The following GRIP2 variants were observed in gnomAD, a reference collection of about 807,000 sequenced individuals.
GRIP2 encodes glutamate receptor-interacting protein 2.
Under a neutral mutation model 108.3 loss-of-function variants are expected in GRIP2, and 58 were observed. That is an observed-to-expected ratio of 0.54 (90% CI 0.43 to 0.67). GRIP2 has a LOEUF of 0.67. GRIP2 is among the 30% of genes least tolerant of loss of function. The pLI is 0.00. For missense variants in GRIP2, 1,278 were observed against 1,430.6 expected (o/e 0.89, Z 1.72); for synonymous variants, 586 against 598.2 (o/e 0.98, Z 0.30).
rs552771666 is a variant in GRIP2, at chr3:14,536,072, G to T, written c.40+4197C>A. Among the ~76,000 whole-genome samples, 58 of 152,312 alleles carry T rather than the reference G, an allele frequency of 3.8e-4. No homozygotes were observed. The South Asian group carries it at 0.012, about 31-fold the overall frequency. On this transcript the variant is annotated intron_variant, in intron 1 of 23. Transcript: ENST00000621039. ...GATCAGATAAGCTCGGCAGAAGCAC[G>T]TTTTTCAGGGAGACAAAAAGAAATG...
rs1211267258 is a variant in GRIP2 at position 14,505,401 on chromosome 3, C to T, written c.2573+214G>A. Among the ~76,000 whole-genome samples, 9 of 152,202 alleles carry T rather than the reference C, an allele frequency of 5.9e-5. No individual in the cohort carries two copies. The highest frequency in any genetic ancestry group is 5.9e-4 in the Admixed American group (9 of 15,284). On this transcript the variant is annotated intron_variant, in intron 20 of 23. Transcript: ENST00000621039. The surrounding 1 kb of genome is among the most constrained non-coding windows in gnomAD (Gnocchi z 4.2). ...AACCAGGCTGCTCTCCACCTCTATA[C>T]CTTCGTCCCTGCCGTGCCCTCCACC...
At chr3:14,560,830 G>A (rs144971458), upstream of GRIP2, among the ~76,000 whole-genome samples, 10 of 152,326 alleles carry the variant, frequency 6.6e-5, no homozygotes, top group East Asian at 1.9e-3. Context: ...GACTAATCCA[G>A]TGTCTTCCTC....
At chr3:14,524,677 T>C (rs141074046) in intron 3 of GRIP2, 139 bp from the exon 4 acceptor site, 9 of 971,612 alleles carry the variant, frequency 9.3e-6, no homozygotes, top group Non-Finnish European at 1.4e-5. Context: ...CTTAGAGAGG[T>C]CAGACAGTTG....
Position 14,493,786 on chromosome 3 carries a change from G to A in GRIP2, c.3011C>T (p.Ala1004Val), listed in dbSNP as rs367805938. Reference sequence around the variant, plus strand: ...ACCCGCCTCGGCCAGGAGTGGCACCGCCAGGCAGCAGTCGAAGTCCCGTGT... The same window carrying A: ...ACCCGCCTCGGCCAGGAGTGGCACCACCAGGCAGCAGTCGAAGTCCCGTGT... The part of the protein sequence containing the change: ...VRTRDFDCCL[A>V]VPLLAEAGDV... Residue 1004 changes from alanine (A) to valine (V), a missense_variant, in exon 24 of 24, where the codon GCG becomes GTG. Physicochemically the swap from Ala to Val is moderately conservative, Grantham distance 64. Transcript: ENST00000621039. The A allele has an allele frequency of 3.9e-5, 63 of 1,613,486 alleles. No homozygotes were observed. In the East Asian group the frequency reaches 1.1e-3, roughly 27 times the overall value.
rs1256861876 is a variant in GRIP2 at position 14,506,908 on chromosome 3, A to G, written c.2291T>C (p.Leu764Pro). 1.9e-6 allele frequency: 3 copies of G among 1,606,428 alleles called. No homozygotes were observed. The highest frequency in any genetic ancestry group is 2.5e-6 in the Non-Finnish European group (3 of 1,176,722). The change falls in exon 19 of 24, where the codon CTG (leucine) becomes CCG (proline). Residue 764 changes from leucine (L) to proline (P), a missense_variant. Leu to Pro is a moderately conservative substitution (Grantham distance 98). Coordinates refer to ENST00000621039, the MANE Select transcript of GRIP2 (RefSeq NM_001080423.4). Reference sequence around the variant, plus strand: ...GCGGGCTGCTGGCAGGCCTCCTTTCAGGGCATCTGCTGGGTCCTCATCAGC... The same window carrying G: ...GCGGGCTGCTGGCAGGCCTCCTTTCGGGGCATCTGCTGGGTCCTCATCAGC... ...SDADEDPADALKGGLPAARFS... is the reference protein window; with the variant it reads ...SDADEDPADAPKGGLPAARFS...
At chr3:14,537,626 C>T (rs1311450980) in intron 1 of GRIP2, among the ~76,000 whole-genome samples, 2 of 152,348 alleles carry the variant, frequency 1.3e-5, no homozygotes, top group African/African-American at 4.8e-5. Flanking sequence ...AGAGCCAGGA[C>T]GCAAACTCAG....
At chr3:14,534,700 C>T (rs764075810) in intron 1 of GRIP2, among the ~76,000 whole-genome samples, 14 of 152,248 alleles carry the variant, frequency 9.2e-5, no homozygotes, top group South Asian at 2.1e-4. Flanking sequence ...GAGGGAGAAA[C>T]GTGCTTGGAG....
At position 14,540,215 on chromosome 3, in the gene GRIP2, A is replaced by C; in HGVS notation, c.40+54T>G. On this transcript the variant is annotated intron_variant, in intron 1 of 23. Transcript: ENST00000621039. The surrounding 1 kb of genome is among the most constrained non-coding windows in gnomAD (Gnocchi z 4.1). The stretch of plus-strand genomic sequence containing the variant: ...CCCTCTCTCTGGGCAGCAGCTCCAG[A>C]GGGATCTATGTGTTCAGCCCCATCA... 1.9e-6 allele frequency: 3 copies of C among 1,591,002 alleles called. No individual in the cohort carries two copies. The highest frequency in any genetic ancestry group is 2.6e-6 in the Non-Finnish European group (3 of 1,163,530).
At chr3:14,549,060 C>A (rs1007870501) in intron 1 of GRIP2, among the ~76,000 whole-genome samples, 1 of 152,210 alleles carries the variant, frequency 6.6e-6, no homozygotes, top group Non-Finnish European at 1.5e-5. Flanking sequence ...AATGGGAGAT[C>A]CACAACTGTC....
rs899214052 is a variant in GRIP2 at position 14,511,620 on chromosome 3, T to C, written c.1721-141A>G. The stretch of plus-strand genomic sequence containing the variant: ...CCACTGCTTCCTGGCTGGGTGACCG[T>C]GAGCAAATCAGCTCACCTCCCTGTG... On this transcript the variant is annotated intron_variant, in intron 14 of 23. Coordinates refer to ENST00000621039, the MANE Select transcript of GRIP2 (RefSeq NM_001080423.4). The surrounding 1 kb of genome is among the most constrained non-coding windows in gnomAD (Gnocchi z 4.1). 5.2e-6 allele frequency: 4 copies of C among 773,076 alleles called. No homozygotes were observed. Among genetic ancestry groups the C allele is most frequent in the Non-Finnish European group, 8.6e-6 (4 of 467,224 alleles). 47.9% of individuals were successfully genotyped at this position (773,076 alleles called of 1,614,324 possible).
At chr3:14,525,305 G>T in intron 3 of GRIP2, 132 bp downstream of exon 3, 1 of 1,116,136 alleles carries the variant, frequency 9.0e-7, no homozygotes, top group Non-Finnish European at 1.3e-6. Context: ...CAGACACCAA[G>T]TTGATGGGTG....
At chr3:14,579,592 C>T in the GRIP2 span, among the ~76,000 whole-genome samples, 6 of 152,068 alleles carry the variant, frequency 3.9e-5, no homozygotes, top group Admixed American at 2.6e-4. Flanking sequence ...AGCCCAACCA[C>T]GCCAGTTCTA....
chr3:14,533,791 C>T (rs1694766972), intron 1 of GRIP2, among the ~76,000 whole-genome samples: 1 of 152,216 alleles, frequency 6.6e-6, no homozygotes, highest in Non-Finnish European at 1.5e-5. Flanking sequence ...GTCTGCTGGT[C>T]TCAACACCGA....
At chr3:14,503,848 G>C in intron 20 of GRIP2, 177 bp from the exon 21 acceptor site, 1 of 599,988 alleles carries the variant, frequency 1.7e-6, no homozygotes, top group Non-Finnish European at 3.0e-6. Context: ...GCAGTGGTTG[G>C]TGACACGGAA....
intron 2 of GRIP2, 41 bp downstream of exon 2, chr3:14,525,810 C>T (rs1220089746): frequency 6.5e-7 from 1 of 1,543,140 alleles, no homozygotes; most frequent in Admixed American, 2.0e-5. Context: ...CTCTCTGTGC[C>T]TCCAGGGCAG....
At chr3:14,564,510 T>C in the GRIP2 span, among the ~76,000 whole-genome samples, 4 of 152,226 alleles carry the variant, frequency 2.6e-5, no homozygotes, top group Admixed American at 6.5e-5. Context: ...TCAAATCCCA[T>C]GCTGCTTAGC....
Position 14,519,054 on chromosome 3 carries a change from C to T in GRIP2, c.1030+1056G>A, listed in dbSNP as rs561802734. Among the ~76,000 whole-genome samples the T allele has an allele frequency of 2.2e-3, 341 of 152,308 alleles. 4 individuals are homozygous for T. The highest frequency in any genetic ancestry group is 8.0e-3 in the African/African-American group (332 of 41,556). Reference sequence around the variant, plus strand: ...AGTAAGACTAAGCTCAGAGAGGTGTCATGAGGAAGTAATGAGGCGTGCAGG... The same window carrying T: ...AGTAAGACTAAGCTCAGAGAGGTGTTATGAGGAAGTAATGAGGCGTGCAGG... On this transcript the variant is annotated intron_variant, in intron 9 of 23. Coordinates refer to ENST00000621039, the MANE Select transcript of GRIP2 (RefSeq NM_001080423.4).
chr3:14,520,911 G>A (rs1359819913), intron 7 of GRIP2: 3 of 228,890 alleles, frequency 1.3e-5, no homozygotes, highest in African/African-American at 2.3e-5. Context: ...CCCAGTGGCT[G>A]GAAATTAAAA....
rs1265428437 is a variant in GRIP2, at chr3:14,503,631, T to C, written c.2614A>G (p.Met872Val). ...GPAREEGFWR[M>V]FGEALEDLES... ...AGGTCTTCGAGAGCTTCTCCAAACATGCGCCAGAAGCCCTCCTCTCGGGCA... is the reference window on the plus strand; with the variant it reads ...AGGTCTTCGAGAGCTTCTCCAAACACGCGCCAGAAGCCCTCCTCTCGGGCA... Residue 872 changes from methionine to valine, a missense_variant, in exon 21 of 24, where the codon ATG becomes GTG. Coordinates refer to ENST00000621039, the MANE Select transcript of GRIP2 (RefSeq NM_001080423.4). 10 of 1,519,310 alleles carry C rather than the reference T, an allele frequency of 6.6e-6. No individual in the cohort carries two copies. The highest frequency in any genetic ancestry group is 8.0e-6 in the Non-Finnish European group (9 of 1,121,216). 94.1% of individuals were successfully genotyped at this position (1,519,310 alleles called of 1,614,324 possible). A position where few individuals can be genotyped will look rare whatever the true frequency, so the allele number is the denominator to read the frequency against.
Sources: allele counts gnomAD v4.1 joint callset (sites outside exome capture counted in the v4.1 genomes callset), GRCh38; gene constraint gnomAD v4.1.1; non-coding constraint Gnocchi (gnomAD v3.1); transcripts MANE v1.5; gene names NCBI Gene and HGNC (gene_info 2026-07-23, HGNC 2026-07-21).